RELN: variants seen among roughly 807,000 people sequenced by gnomAD.
RELN encodes reelin.
Under a neutral mutation model 427.6 loss-of-function variants are expected in RELN, and 108 were observed. The ratio of observed to expected loss-of-function variants is 0.25; its 90% confidence interval spans 0.22 to 0.30. RELN has a LOEUF of 0.30. Ranked by LOEUF, RELN falls within the 10% of genes least tolerant of loss-of-function variation. The pLI, the probability that RELN is intolerant of heterozygous loss-of-function variation, is 1.00. For missense variants in RELN, 3,715 were observed against 4,302.8 expected, an observed-to-expected ratio of 0.86 and a Z score of 3.82; for synonymous variants, 1,524 against 1,513.4, an observed-to-expected ratio of 1.01 and a Z score of -0.16.
At chr7:103,575,327 T>C (rs989106887) in intron 29 of RELN, among the ~76,000 whole-genome samples, 3 of 152,222 alleles carry the variant, frequency 2.0e-5, no homozygotes, top group African/African-American at 7.2e-5. Context: ...ACAAATCCTC[T>C]TTAGGAAATG....
chr7:103,718,262 G>A (rs1789989615), intron 8 of RELN, among the ~76,000 whole-genome samples: 1 of 148,434 alleles, frequency 6.7e-6, no homozygotes, highest in African/African-American at 2.5e-5. Context: ...ATCTTAATAA[G>A]TAAATATAAA....
At chr7:103,862,769 T>C (rs1249640542) in intron 2 of RELN, among the ~76,000 whole-genome samples, 2 of 152,100 alleles carry the variant, frequency 1.3e-5, no homozygotes, top group Admixed American at 6.6e-5. Context: ...TGGATGTCCA[T>C]TGGCAGCCAG....
chr7:103,839,056 C>T (rs1002757186), intron 2 of RELN, among the ~76,000 whole-genome samples: 1 of 152,122 alleles, frequency 6.6e-6, no homozygotes, highest in Non-Finnish European at 1.5e-5. Context: ...TAATGTCTAG[C>T]CAATAATTTG....
chr7:103,756,983 T>C (rs1435316996), intron 4 of RELN, among the ~76,000 whole-genome samples: 1 of 152,182 alleles, frequency 6.6e-6, no homozygotes, highest in Non-Finnish European at 1.5e-5. Context: ...AATCTAGTTT[T>C]ATGTAGTCTA....
At chr7:103,711,246 T>C (rs1464081355) in intron 8 of RELN, among the ~76,000 whole-genome samples, 1 of 152,322 alleles carries the variant, frequency 6.6e-6, no homozygotes, top group Non-Finnish European at 1.5e-5. Flanking sequence ...TTTTCACATT[T>C]GTACCTAATT....
At chr7:103,485,280 A>G (rs1013294555) in intron 61 of RELN, among the ~76,000 whole-genome samples, 1 of 149,492 alleles carries the variant, frequency 6.7e-6, no homozygotes, top group Non-Finnish European at 1.5e-5. Flanking sequence ...AACTTATATC[A>G]TGGTTTCCAT....
chr7:103,523,696 G>A (rs966833713), intron 46 of RELN, among the ~76,000 whole-genome samples, 165 bp from the exon 47 acceptor site: 6 of 151,662 alleles, frequency 4.0e-5, no homozygotes, highest in Admixed American at 6.6e-5. Context: ...TTCTTTTTTT[G>A]AGATGGAGTC....
chr7:103,564,722 C>T (rs1830710912), intron 34 of RELN, among the ~76,000 whole-genome samples: 1 of 152,042 alleles, frequency 6.6e-6, no homozygotes, highest in Non-Finnish European at 1.5e-5. Context: ...CAGCCTCTAA[C>T]CAGTCACCAC....
At chr7:103,843,228 A>G (rs1384213904) in intron 2 of RELN, among the ~76,000 whole-genome samples, 1 of 151,986 alleles carries the variant, frequency 6.6e-6, no homozygotes, top group African/African-American at 2.4e-5. Context: ...TTTAGGAGAC[A>G]GGGTCTTGCT....
chr7:103,852,596 A>C (rs1450550505), intron 2 of RELN, among the ~76,000 whole-genome samples: 2 of 152,116 alleles, frequency 1.3e-5, no homozygotes, highest in African/African-American at 4.8e-5. Flanking sequence ...ATTTCTATCT[A>C]TGTCCTTAAT....
intron 2 of RELN, among the ~76,000 whole-genome samples, chr7:103,853,047 T>C (rs1793862019): frequency 6.6e-6 from 1 of 152,070 alleles, no homozygotes; most frequent in Non-Finnish European, 1.5e-5. Context: ...ATAATTTGGA[T>C]CAGAAAACTG....
intron 2 of RELN, among the ~76,000 whole-genome samples, chr7:103,864,301 A>G (rs1047856459): frequency 2.6e-5 from 4 of 152,182 alleles, no homozygotes; most frequent in Non-Finnish European, 2.9e-5. Context: ...TAGTAAGAAC[A>G]CTTAATACGA....
chr7:103,749,395 A>AACCAAAGTGAGGAATGTTCCTGTAACTT lies in RELN; in HGVS notation c.656+3_656+30dup, dbSNP rs749024958. The AACCAAAGTGAGGAATGTTCCTGTAACTT allele has an allele frequency of 1.5e-4, 242 of 1,566,736 alleles. No homozygotes were observed. The highest frequency in any genetic ancestry group is 2.1e-4 in the Non-Finnish European group (238 of 1,136,872). On this transcript the variant is annotated intron_variant, in intron 6 of 64. Transcript: ENST00000428762. ...TCAGCATCATTTGTTACATTAAGCAAACCAAAGTGAGGAATGTTCCTGTAA... is the reference window on the plus strand; with the variant it reads ...TCAGCATCATTTGTTACATTAAGCAAACCAAAGTGAGGAATGTTCCTGTAACTTACCAAAGTGAGGAATGTTCCTGTAA...
chr7:103,954,204 G>A lies in RELN; in HGVS notation c.226+34927C>T, dbSNP rs548052167. Reference sequence around the variant, plus strand: ...GAGCCTGGGAGGCGGAGGTTGCAGTGAGCCGAGATCGCACCATTGCACTTC... The same window carrying A: ...GAGCCTGGGAGGCGGAGGTTGCAGTAAGCCGAGATCGCACCATTGCACTTC... On this transcript the variant is annotated intron_variant, in intron 1 of 64. Coordinates refer to ENST00000428762, the MANE Select transcript of RELN (RefSeq NM_005045.4). Among the ~76,000 whole-genome samples the A allele has an allele frequency of 2.0e-5, 3 of 152,290 alleles. No individual in the cohort carries two copies. The East Asian group carries it at 5.8e-4, about 29-fold the overall frequency.
rs184658332 is a variant in RELN at position 103,687,978 on chromosome 7, A to T, written c.1144-5717T>A. 2.0e-5 allele frequency among the ~76,000 whole-genome samples: 3 copies of T among 152,232 alleles called. No homozygotes were observed. In the East Asian group the frequency reaches 5.8e-4, roughly 29 times the overall value. On this transcript the variant is annotated intron_variant, in intron 10 of 64. Coordinates refer to ENST00000428762, the MANE Select transcript of RELN (RefSeq NM_005045.4). ...TGGGGGGAATTGTGAAAAGCACACT[A>T]CTTACATTTAACCCTTCAGCCCCAA...
chr7:103,566,708 C>A lies in RELN; in HGVS notation c.4640G>T (p.Arg1547Leu), dbSNP rs774277969. Residue 1547 changes from arginine to leucine, a missense_variant, in exon 32 of 65, where the codon CGA becomes CTA. By Grantham distance (102) the Arg-to-Leu change is moderately radical. This residue lies in a region of RELN where 2,208 missense variants were observed against 2,361.7 expected (regional missense o/e 0.93). Coordinates refer to ENST00000428762, the MANE Select transcript of RELN (RefSeq NM_005045.4). ...CAGGAAGGACATGAAGTCCAACTCT[C>A]GAAGCAAATGCCAGAGTATCCCATT... ...NDNGILWHLL[R>L]ELDFMSFLEP... The A allele has an allele frequency of 6.2e-7, 1 of 1,613,952 alleles. No individual in the cohort carries two copies. The highest frequency in any genetic ancestry group is 8.5e-7 in the Non-Finnish European group (1 of 1,179,972).
At chr7:103,940,504 T>A (rs1428534194) in intron 1 of RELN, among the ~76,000 whole-genome samples, 1 of 152,166 alleles carries the variant, frequency 6.6e-6, no homozygotes, top group Non-Finnish European at 1.5e-5. Flanking sequence ...AAGTATACTG[T>A]ACTATGGCAT....
At chr7:103,958,482 C>G (rs1796481368) in intron 1 of RELN, among the ~76,000 whole-genome samples, 1 of 152,092 alleles carries the variant, frequency 6.6e-6, no homozygotes, top group African/African-American at 2.4e-5. Flanking sequence ...GACTCACTGT[C>G]CTCTTAGCCA....
At chr7:103,686,141 G>T (rs1833760207) in intron 10 of RELN, among the ~76,000 whole-genome samples, 1 of 152,046 alleles carries the variant, frequency 6.6e-6, no homozygotes, top group Admixed American at 6.6e-5. Flanking sequence ...CTTTTTGTTG[G>T]AATGAGGGTA....
Sources: gnomAD v4.1 joint callset for allele counts (sites outside exome capture counted in the v4.1 genomes callset) on GRCh38, gnomAD v4.1.1 for gene constraint, gnomAD v4.1.1 regional missense constraint, MANE v1.5 for transcripts, NCBI Gene and HGNC (gene_info 2026-07-23, HGNC 2026-07-21) for gene names.